The following MYO19 variants were observed in gnomAD, a reference collection of about 807,000 sequenced individuals.
MYO19 encodes myosin XIX.
In MYO19, 132 loss-of-function variants were observed where a neutral mutation model predicts 129.2. The observed-to-expected ratio is 1.02, with a 90% CI of 0.89 to 1.18. The LOEUF is 1.18. Ranked by LOEUF, MYO19 falls within the 50% of genes most tolerant of loss-of-function variation. MYO19 has a pLI of 0.00. For missense variants in MYO19, 1,210 were observed against 1,216.7 expected (o/e 0.99, Z 0.08); for synonymous variants, 531 against 477.2 (o/e 1.11, Z -1.47).
At position 36,514,564 on chromosome 17, in the gene MYO19, GC is replaced by G; in HGVS notation, c.618-17del. 1 of 1,541,658 alleles carries G rather than the reference GC, an allele frequency of 6.5e-7. No homozygotes were observed. Among genetic ancestry groups the G allele is most frequent in the Non-Finnish European group, 9.0e-7 (1 of 1,115,026 alleles). ...TTGCTGAGCCCTGGGACACACACAG[GC>G]CAGAGCCCGTTAGTTGCCCATTCAT... On this transcript the variant is annotated splice_polypyrimidine_tract_variant and intron_variant, in intron 8 of 25. Coordinates refer to ENST00000614623, the MANE Select transcript of MYO19 (RefSeq NM_001163735.2).
chr17:36,514,903 G>A (rs1019082829), intron 8 of MYO19, among the ~76,000 whole-genome samples: 4 of 152,220 alleles, frequency 2.6e-5, no homozygotes, highest in African/African-American at 9.7e-5. Context: ...GCCTGAATAA[G>A]CGCACTGCCC....
At chr17:36,506,748 A>G in intron 17 of MYO19, 140 bp from the exon 18 acceptor site, 1 of 1,140,682 alleles carries the variant, frequency 8.8e-7, no homozygotes, top group Non-Finnish European at 1.2e-6. Context: ...TTGGACAACC[A>G]GAGACCTGGA....
Position 36,513,315 on chromosome 17 carries a change from G to T in MYO19, c.894+114C>A, listed in dbSNP as rs8077677. ...GATTCCTTGGAGGTAGCACAGAAGG[G>T]CCCAAAGTCCTAGATCCTCAGGGAA... On this transcript the variant is annotated intron_variant, in intron 11 of 25. Coordinates refer to ENST00000614623, the MANE Select transcript of MYO19 (RefSeq NM_001163735.2). The T allele has an allele frequency of 9.4e-4, 1,488 of 1,588,120 alleles. 10 individuals are homozygous for T. The African/African-American group carries it at 0.017, about 18-fold the overall frequency.
At chr17:36,537,828 A>G (rs752393681), upstream of MYO19, 69 of 1,614,116 alleles carry the variant, frequency 4.3e-5, no homozygotes, top group South Asian at 5.8e-4. Context: ...CTTTACCATA[A>G]TAGTTGTGAA....
At position 36,507,091 on chromosome 17, in the gene MYO19, T is replaced by C. The variant is rs2071957505; in HGVS notation, c.1516A>G (p.Ile506Val). Reference sequence around the variant, plus strand: ...GGGCTGCCTGCCAGGGCAGTCTCAATGCGTGTCTGGAGCTGGGCTGCGCTG... The same window carrying C: ...GGGCTGCCTGCCAGGGCAGTCTCAACGCGTGTCTGGAGCTGGGCTGCGCTG... ...PSSAAQLQTR[I>V]ETALAGSPCL... is the part of the protein sequence containing the mutation. The change falls in exon 17 of 26, where the codon ATT (isoleucine) becomes GTT (valine). Residue 506 changes from isoleucine (I) to valine (V), a missense_variant. Transcript: ENST00000614623. 6.2e-7 allele frequency: 1 copy of C among 1,613,144 alleles called. No homozygotes were observed. The highest frequency in any genetic ancestry group is 1.1e-5 in the South Asian group (1 of 91,046).
upstream of MYO19, among the ~76,000 whole-genome samples, chr17:36,544,189 G>C (rs2074220810): frequency 6.6e-6 from 1 of 152,196 alleles, no homozygotes; most frequent in Non-Finnish European, 1.5e-5. Context: ...CCCAGCCCAA[G>C]AAGTTCCTTT....
chr17:36,530,760 A>T (rs577816002), intron 3 of MYO19, among the ~76,000 whole-genome samples: 19 of 152,182 alleles, frequency 1.2e-4, no homozygotes, highest in Non-Finnish European at 2.8e-4. Flanking sequence ...AACTGGGATC[A>T]CAGGCATGCA....
At chr17:36,514,421 G>T in intron 9 of MYO19, 25 bp downstream of exon 9, 2 of 1,473,944 alleles carry the variant, frequency 1.4e-6, no homozygotes, top group Non-Finnish European at 1.9e-6. Flanking sequence ...GCATCTGGGG[G>T]GCTGTGGCCC....
At chr17:36,530,254 G>T (rs1438011758) in intron 3 of MYO19, among the ~76,000 whole-genome samples, 1 of 152,176 alleles carries the variant, frequency 6.6e-6, no homozygotes, top group Non-Finnish European at 1.5e-5. Flanking sequence ...CGAGGCTACA[G>T]TGAGCTATGG....
upstream of MYO19, among the ~76,000 whole-genome samples, chr17:36,536,636 T>C (rs746163944): frequency 3.4e-5 from 5 of 145,954 alleles, no homozygotes; most frequent in Non-Finnish European, 6.0e-5. Context: ...TGCCTCAGCC[T>C]CTAAAGTAGC....
At chr17:36,498,946 G>T in intron 24 of MYO19, 129 bp downstream of exon 24, 1 of 697,306 alleles carries the variant, frequency 1.4e-6, no homozygotes, top group Non-Finnish European at 2.5e-6. Context: ...GGAATATGAG[G>T]CTCAGAGAGG....
At chr17:36,505,188 A>G in intron 19 of MYO19, 109 bp downstream of exon 19, 1 of 987,402 alleles carries the variant, frequency 1.0e-6, no homozygotes, top group Non-Finnish European at 1.6e-6. Flanking sequence ...CTGGCCGGAG[A>G]GACCACTTCT....
rs999172959 is a variant in MYO19 at position 36,501,246 on chromosome 17, G to A, written c.2081-11C>T. On this transcript the variant is annotated splice_polypyrimidine_tract_variant and intron_variant, in intron 21 of 25. Transcript: ENST00000614623. Reference sequence around the variant, plus strand: ...TGTGTGGACACCATTCTGGGGGAGGGAGATGGCCCCATCAGTGCATGGTCA... The same window carrying A: ...TGTGTGGACACCATTCTGGGGGAGGAAGATGGCCCCATCAGTGCATGGTCA... 1.2e-6 allele frequency: 2 copies of A among 1,604,800 alleles called. No individual in the cohort carries two copies. Among genetic ancestry groups the A allele is most frequent in the Non-Finnish European group, 1.7e-6 (2 of 1,174,688 alleles).
chr17:36,514,416 T>TG (rs1363590092), intron 9 of MYO19, 30 bp downstream of exon 9: 11 of 1,413,140 alleles, frequency 7.8e-6, no homozygotes, highest in Non-Finnish European at 1.1e-5. Context: ...GTCTCGCATC[T>TG]GGGGGGCTGT....
chr17:36,516,097 G>T, intron 6 of MYO19, 107 bp from the exon 7 acceptor site: 1 of 1,332,760 alleles, frequency 7.5e-7, no homozygotes, highest in Non-Finnish European at 9.9e-7. Context: ...CCAGTGTGTT[G>T]CTGACAAAAT....
chr17:36,496,400 T>C lies in MYO19; in HGVS notation c.2764A>G (p.Ile922Val). 1.9e-6 allele frequency: 3 copies of C among 1,613,926 alleles called. No homozygotes were observed. The highest frequency in any genetic ancestry group is 2.2e-5 in the East Asian group (1 of 44,890). Reference sequence around the variant, plus strand: ...GGAGACTTTCTGCAGTGAAACTTTATCGATCCCTAGAGGGGAGAGAGAGAT... The same window carrying C: ...GGAGACTTTCTGCAGTGAAACTTTACCGATCCCTAGAGGGGAGAGAGAGAT... ...TSIRALPQGS[I>V]KFHCRKSPLR... Residue 922 changes from isoleucine to valine, a missense_variant, in exon 26 of 26, where the codon ATA becomes GTA. Coordinates refer to ENST00000614623, the MANE Select transcript of MYO19 (RefSeq NM_001163735.2).
At chr17:36,528,433 C>T (rs190448011) in intron 3 of MYO19, among the ~76,000 whole-genome samples, 65 of 152,120 alleles carry the variant, frequency 4.3e-4, no homozygotes, top group African/African-American at 1.5e-3. Flanking sequence ...ATGGCGTGAA[C>T]CCGGGAGGCG....
At position 36,498,464 on chromosome 17, in the gene MYO19, C is replaced by A. The variant is rs1381318338; in HGVS notation, c.2559G>T (p.Gln853His). ...APCSLSTSPL[Q>H]TRLLEAIIRL... ...GGATTATTGCCTCCAGGAGCCTGGT[C>A]TGCAGCGGCGAGGTGCTCAGGGAAC... Residue 853 changes from glutamine (Q) to histidine (H), a missense_variant, in exon 25 of 26, where the codon CAG becomes CAT. Coordinates refer to ENST00000614623, the MANE Select transcript of MYO19 (RefSeq NM_001163735.2). The A allele has an allele frequency of 9.3e-6, 15 of 1,614,014 alleles. No individual in the cohort carries two copies. Among genetic ancestry groups the A allele is most frequent in the Middle Eastern group, 1.6e-4 (1 of 6,062 alleles).
At chr17:36,519,606 T>C (rs1037389256) in intron 6 of MYO19, among the ~76,000 whole-genome samples, 3 of 151,828 alleles carry the variant, frequency 2.0e-5, no homozygotes, top group African/African-American at 7.3e-5. Flanking sequence ...ATTGTTACCA[T>C]TTGTGCCTTA....
Sources: allele counts gnomAD v4.1 joint callset (sites outside exome capture counted in the v4.1 genomes callset), GRCh38; gene constraint gnomAD v4.1.1; transcripts MANE v1.5; gene names NCBI Gene and HGNC (gene_info 2026-07-23, HGNC 2026-07-21).